Variants in ZNF618 observed in about 807,000 individuals in gnomAD.
ZNF618 encodes the protein zinc finger protein 618.
ZNF618 carries 34 observed loss-of-function variants against 103.0 expected under a neutral mutation model. That is an observed-to-expected ratio of 0.33 (90% CI 0.25 to 0.44). The LOEUF (loss-of-function observed/expected upper bound fraction) is 0.44. ZNF618 is among the 20% of genes least tolerant of loss of function. The pLI is 1.00. For synonymous variants in ZNF618, 551 were observed against 542.2 expected, an observed-to-expected ratio of 1.02 and a Z score of -0.23; for missense variants, 1,059 against 1,295.4, an observed-to-expected ratio of 0.82 and a Z score of 2.80.
Position 113,995,689 on chromosome 9 carries a change from C to T in ZNF618, c.338-2570C>T, listed in dbSNP as rs566587485. The stretch of plus-strand genomic sequence containing the variant: ...TTTAATGGTCTCTTCGCTGACAACT[C>T]CATTATATCCTCCTCTAATTTTGTT... On this transcript the variant is annotated intron_variant, in intron 3 of 14. Transcript: ENST00000374126. 1.4e-4 allele frequency among the ~76,000 whole-genome samples: 21 copies of T among 152,246 alleles called. No individual in the cohort carries two copies. The South Asian group carries it at 4.2e-3, about 30-fold the overall frequency.
chr9:113,998,041 T>A (rs1378166124), intron 3 of ZNF618, among the ~76,000 whole-genome samples: 1 of 152,216 alleles, frequency 6.6e-6, no homozygotes, highest in African/African-American at 2.4e-5. Context: ...CAAAACTGAA[T>A]TCAGGGAGCT....
At chr9:113,923,349 A>G (rs949248710) in intron 1 of ZNF618, among the ~76,000 whole-genome samples, 2 of 152,186 alleles carry the variant, frequency 1.3e-5, no homozygotes, top group Non-Finnish European at 2.9e-5. Context: ...ATTATGAGAG[A>G]GGACATCTTT....
chr9:113,979,982 G>T (rs368735112), intron 2 of ZNF618, among the ~76,000 whole-genome samples: 9 of 152,148 alleles, frequency 5.9e-5, no homozygotes, highest in Admixed American at 1.3e-4. Context: ...CAGGAGAAAG[G>T]GGGGGTGGCT....
chr9:113,922,684 C>T (rs968244605), intron 1 of ZNF618, among the ~76,000 whole-genome samples: 16 of 152,170 alleles, frequency 1.1e-4, no homozygotes, highest in Admixed American at 2.0e-4. Context: ...ACCAACACTA[C>T]ACTGTCTTGT....
At chr9:113,905,507 A>G (rs149842817) in intron 1 of ZNF618, among the ~76,000 whole-genome samples, 111 of 152,330 alleles carry the variant, frequency 7.3e-4, no homozygotes, top group African/African-American at 2.5e-3. Context: ...GGCTGCTTCC[A>G]TTCCACAACA....
Position 113,876,324 on chromosome 9 carries a change from G to A in ZNF618, c.-57G>A. ...CGGCGGCGGCATTGTGCGCGCACCA[G>A]CAGCCCGGCCCGGGAGGAGCAGGAC... On this transcript the variant is annotated 5_prime_UTR_variant, in exon 1 of 15. Coordinates refer to ENST00000374126, the MANE Select transcript of ZNF618 (RefSeq NM_001318042.2). 1.8e-6 allele frequency: 2 copies of A among 1,128,236 alleles called. No individual in the cohort carries two copies. Among genetic ancestry groups the A allele is most frequent in the Non-Finnish European group, 2.2e-6 (2 of 926,370 alleles). 69.9% of individuals were successfully genotyped at this position (1,128,236 alleles called of 1,614,324 possible).
At chr9:113,900,200 T>C (rs898597731) in intron 1 of ZNF618, among the ~76,000 whole-genome samples, 1 of 152,122 alleles carries the variant, frequency 6.6e-6, no homozygotes, top group African/African-American at 2.4e-5. Flanking sequence ...TGGCTGGAAC[T>C]ACAGGTGTGC....
In ZNF618 at chr9:114,008,390, G is replaced by T. The variant is rs1422241059; in HGVS notation, c.676+11G>T. The stretch of plus-strand genomic sequence containing the variant: ...CTGAGAACCGGGCAGGTAAGTCCTT[G>T]GTGTCTGCTTGTCACCTCCCCTGTC... On this transcript the variant is annotated intron_variant, in intron 8 of 14. Coordinates refer to ENST00000374126, the MANE Select transcript of ZNF618 (RefSeq NM_001318042.2). 1.9e-6 allele frequency: 3 copies of T among 1,613,900 alleles called. No homozygotes were observed. Among genetic ancestry groups the T allele is most frequent in the African/African-American group, 1.3e-5 (1 of 74,944 alleles).
At position 114,054,773 on chromosome 9, in the gene ZNF618, GC is replaced by G. The variant is rs1351614931; in HGVS notation, c.*4607del. The stretch of plus-strand genomic sequence containing the variant: ...TCTGGGGGATTTTGTTGTAGTAGTT[GC>G]TTTTCTTCCTCTCTCATTTGGGTTT... On this transcript the variant is annotated 3_prime_UTR_variant, in exon 15 of 15. Coordinates refer to ENST00000374126, the MANE Select transcript of ZNF618 (RefSeq NM_001318042.2). 1 of 152,730 alleles carries G rather than the reference GC, an allele frequency of 6.5e-6. No homozygotes were observed. Among genetic ancestry groups the G allele is most frequent in the Non-Finnish European group, 1.5e-5 (1 of 68,154 alleles). 9.5% of individuals were successfully genotyped at this position (152,730 alleles called of 1,614,324 possible).
At chr9:113,922,499 A>G (rs1038606662) in intron 1 of ZNF618, among the ~76,000 whole-genome samples, 3 of 131,708 alleles carry the variant, frequency 2.3e-5, no homozygotes, top group Non-Finnish European at 4.7e-5. Context: ...TTTTTTTTGC[A>G]TGCGGATGCC....
chr9:113,961,244 A>G (rs538835437), intron 1 of ZNF618, among the ~76,000 whole-genome samples: 4 of 152,314 alleles, frequency 2.6e-5, no homozygotes, highest in Admixed American at 2.0e-4. Flanking sequence ...CACGTATCTC[A>G]GGTGGTAATT....
chr9:113,998,620 A>G (rs1281090305), intron 4 of ZNF618, among the ~76,000 whole-genome samples: 2 of 152,194 alleles, frequency 1.3e-5, no homozygotes, highest in African/African-American at 2.4e-5. Context: ...AGCACTTCCT[A>G]TGGGCCGCAA....
intron 3 of ZNF618, among the ~76,000 whole-genome samples, chr9:113,995,222 A>G (rs562316205): frequency 1.8e-4 from 28 of 152,190 alleles, no homozygotes; most frequent in African/African-American, 6.5e-4. Context: ...CAAGATGTAC[A>G]TAAATTGAAA....
At chr9:114,021,523 T>A (rs1843062394) in intron 10 of ZNF618, among the ~76,000 whole-genome samples, 1 of 152,140 alleles carries the variant, frequency 6.6e-6, no homozygotes, top group African/African-American at 2.4e-5. Context: ...GGTGTGTTAA[T>A]GAAGGTCATA....
intron 1 of ZNF618, among the ~76,000 whole-genome samples, chr9:113,950,520 T>C (rs1835462260): frequency 6.6e-6 from 1 of 152,074 alleles, no homozygotes; most frequent in East Asian, 1.9e-4. Context: ...GACCTGGTCT[T>C]GGGGTTTGAG....
chr9:113,914,033 T>C (rs143627137), intron 1 of ZNF618, among the ~76,000 whole-genome samples: 90 of 152,250 alleles, frequency 5.9e-4, no homozygotes, highest in Middle Eastern at 3.4e-3. Flanking sequence ...ATGAATTTTG[T>C]TTATTCAGCC....
chr9:114,054,594 G>GC lies in ZNF618; in HGVS notation c.*4432dup, dbSNP rs1205368229. 1 of 152,878 alleles carries GC rather than the reference G, an allele frequency of 6.5e-6. No homozygotes were observed. Among genetic ancestry groups the GC allele is most frequent in the Non-Finnish European group, 1.5e-5 (1 of 68,226 alleles). 9.5% of individuals were successfully genotyped at this position (152,878 alleles called of 1,614,324 possible). A position where few individuals can be genotyped will look rare whatever the true frequency, so the allele number is the denominator to read the frequency against. Reference sequence around the variant, plus strand: ...TCCTGTCCCCGCCAGCCCTGCTCCAGCCCCCGTGTCCAGCTGGGCCAGTGG... The same window carrying GC: ...TCCTGTCCCCGCCAGCCCTGCTCCAGCCCCCCGTGTCCAGCTGGGCCAGTGG... On this transcript the variant is annotated 3_prime_UTR_variant, in exon 15 of 15. Transcript: ENST00000374126.
intron 2 of ZNF618, among the ~76,000 whole-genome samples, chr9:113,969,995 C>T (rs1182037031): frequency 3.3e-5 from 5 of 152,088 alleles, no homozygotes; most frequent in Admixed American, 3.3e-4. Flanking sequence ...TGCCTGTTAG[C>T]CTGTGGAACA....
intron 1 of ZNF618, among the ~76,000 whole-genome samples, chr9:113,968,085 A>T (rs947132358): frequency 6.6e-6 from 1 of 152,170 alleles, no homozygotes; most frequent in African/African-American, 2.4e-5. Flanking sequence ...ATTCAAAAAA[A>T]CTCAAAAAGT....
Sources: allele counts gnomAD v4.1 joint callset (sites outside exome capture counted in the v4.1 genomes callset), GRCh38; gene constraint gnomAD v4.1.1; transcripts MANE v1.5; gene names NCBI Gene and HGNC (gene_info 2026-07-23, HGNC 2026-07-21).